Variants in LINGO2 observed in about 807,000 individuals in gnomAD.
LINGO2 encodes leucine rich repeat and Ig domain containing 2.
A neutral mutation model predicts 30.6 loss-of-function variants in LINGO2; 14 were observed. That is an observed-to-expected ratio of 0.46 (90% CI 0.30 to 0.72). The LOEUF is 0.72. Among genes scored for constraint, LINGO2 ranks in the 30% least tolerant of loss-of-function variants. The pLI, the probability that LINGO2 is intolerant of heterozygous loss-of-function variation, is 0.07. For synonymous variants in LINGO2, 317 were observed against 288.5 expected (o/e 1.10, Z -1.00); for missense variants, 729 against 751.7 (o/e 0.97, Z 0.35).
At chr9:28,169,478 T>C (rs1422970050) in intron 4 of LINGO2, among the ~76,000 whole-genome samples, 1 of 152,144 alleles carries the variant, frequency 6.6e-6, no homozygotes, top group Admixed American at 6.5e-5. Context: ...TAATAACCTA[T>C]CAATAAGGAT....
At chr9:28,045,316 T>TCCCTC (rs1824370620) in intron 4 of LINGO2, among the ~76,000 whole-genome samples, 1 of 151,338 alleles carries the variant, frequency 6.6e-6, no homozygotes, top group South Asian at 2.1e-4. Flanking sequence ...GAGTTAAACT[T>TCCCTC]TGAGTATTTT....
chr9:28,978,644 A>G, the LINGO2 span, among the ~76,000 whole-genome samples: 2 of 152,120 alleles, frequency 1.3e-5, no homozygotes, highest in Non-Finnish European at 2.9e-5. Flanking sequence ...ATGAAATAAT[A>G]TAGAGATGTT....
intron 4 of LINGO2, among the ~76,000 whole-genome samples, chr9:28,094,616 A>G (rs1232787276): frequency 6.6e-6 from 1 of 152,094 alleles, no homozygotes; most frequent in African/African-American, 2.4e-5. Context: ...TATTACAATG[A>G]TAGCATGCAT....
the LINGO2 span, among the ~76,000 whole-genome samples, chr9:28,732,259 C>T: frequency 1.3e-5 from 2 of 151,970 alleles, no homozygotes; most frequent in East Asian, 1.9e-4. Context: ...CTGGAATCTC[C>T]AAGCAAACCA....
intron 5 of LINGO2, among the ~76,000 whole-genome samples, chr9:27,978,688 G>A (rs989458772): frequency 2.6e-5 from 4 of 151,920 alleles, no homozygotes; most frequent in African/African-American, 9.7e-5. Flanking sequence ...TTCTGTCATA[G>A]CAACCTGAAC....
chr9:28,127,728 T>C (rs921931368), intron 4 of LINGO2, among the ~76,000 whole-genome samples: 1 of 152,212 alleles, frequency 6.6e-6, no homozygotes, highest in African/African-American at 2.4e-5. Context: ...TCTTCACATA[T>C]TCTTCACCGT....
At chr9:28,223,884 A>C (rs551530084) in intron 4 of LINGO2, among the ~76,000 whole-genome samples, 4 of 152,280 alleles carry the variant, frequency 2.6e-5, no homozygotes, top group Admixed American at 6.5e-5. Flanking sequence ...TAGCCCCCAA[A>C]ATAAGATAAT....
rs1472468144 is a variant in LINGO2, at chr9:28,329,809, G to T, written c.-245-34443C>A. Among the ~76,000 whole-genome samples the T allele has an allele frequency of 6.6e-6, 1 of 151,990 alleles. No homozygotes were observed. The highest frequency in any genetic ancestry group is 1.5e-5 in the Non-Finnish European group (1 of 67,996). On this transcript the variant is annotated intron_variant, in intron 3 of 5. Transcript: ENST00000379992. This position sits in a 1 kb window ranked among gnomAD's most constrained non-coding sequence, Gnocchi z 4.5. ...CCCTGAATTAGATAGCCATCCTCTG[G>T]GGTTTTATATCACCTTGTGCATATC...
chr9:28,643,062 T>A (rs1381664546), intron 1 of LINGO2, among the ~76,000 whole-genome samples: 1 of 152,100 alleles, frequency 6.6e-6, no homozygotes, highest in African/African-American at 2.4e-5. Context: ...TAGAAAGATA[T>A]TTCATGTTCA....
rs144774796 is a variant in LINGO2, at chr9:28,171,182, AAT to A, written c.-87+124024_-87+124025del. Among the ~76,000 whole-genome samples the A allele has an allele frequency of 9.8e-5, 15 of 152,328 alleles. No individual in the cohort carries two copies. In the East Asian group the frequency reaches 1.4e-3, roughly 14 times the overall value. On this transcript the variant is annotated intron_variant, in intron 4 of 5. Coordinates refer to ENST00000379992, the Ensembl canonical transcript of LINGO2. ...GCAGCATGACCATAATCTCTACCACAATAAATGAAAACCGACTGCAACATGAA... is the reference window on the plus strand; with the variant it reads ...GCAGCATGACCATAATCTCTACCACAAAATGAAAACCGACTGCAACATGAA...
At chr9:28,930,892 C>G in the LINGO2 span, among the ~76,000 whole-genome samples, 8 of 152,272 alleles carry the variant, frequency 5.3e-5, no homozygotes, top group East Asian at 1.5e-3. This position sits in a 1 kb window ranked among gnomAD's most constrained non-coding sequence, Gnocchi z 4.2. Flanking sequence ...GAAGGTATTT[C>G]TTGGCAATAT....
At chr9:28,101,070 G>T (rs971234872) in intron 4 of LINGO2, among the ~76,000 whole-genome samples, 1 of 151,834 alleles carries the variant, frequency 6.6e-6, no homozygotes, top group African/African-American at 2.4e-5. Context: ...AGGGGAATAT[G>T]ATGTTGAAAT....
At chr9:28,132,806 C>T (rs1827413957) in intron 4 of LINGO2, among the ~76,000 whole-genome samples, 1 of 152,222 alleles carries the variant, frequency 6.6e-6, no homozygotes, top group African/African-American at 2.4e-5. Context: ...AGATGCTACA[C>T]TTTCCAAGGG....
intron 3 of LINGO2, among the ~76,000 whole-genome samples, chr9:28,341,359 A>G (rs189709584): frequency 9.2e-5 from 14 of 152,252 alleles, no homozygotes; most frequent in Admixed American, 2.6e-4. Context: ...ATGTTATATT[A>G]TGTTTTACTA....
chr9:28,058,608 A>G (rs193081611), intron 4 of LINGO2, among the ~76,000 whole-genome samples: 45 of 152,312 alleles, frequency 3.0e-4, no homozygotes, highest in African/African-American at 9.1e-4. Context: ...TGTAAGTTAT[A>G]CAAACACCAA....
chr9:28,033,523 G>A (rs1168338413), intron 4 of LINGO2, among the ~76,000 whole-genome samples: 1 of 152,030 alleles, frequency 6.6e-6, no homozygotes, highest in Non-Finnish European at 1.5e-5. Context: ...AAACTGCCAC[G>A]GTATAGTTGT....
chr9:29,204,966 T>G, the LINGO2 span, among the ~76,000 whole-genome samples: 1 of 152,226 alleles, frequency 6.6e-6, no homozygotes, highest in Non-Finnish European at 1.5e-5. Flanking sequence ...GTTGAGGAAG[T>G]TGCCTTCTAT....
chr9:28,581,593 AAT>A (rs1261577143), intron 1 of LINGO2, among the ~76,000 whole-genome samples: 1 of 151,606 alleles, frequency 6.6e-6, no homozygotes, highest in Non-Finnish European at 1.5e-5. Flanking sequence ...TCAGTTTAAT[AAT>A]ATGTCAATTA....
the LINGO2 span, among the ~76,000 whole-genome samples, chr9:28,861,992 C>T: frequency 6.6e-6 from 1 of 152,076 alleles, no homozygotes; most frequent in Non-Finnish European, 1.5e-5. Flanking sequence ...TTGTGACTTC[C>T]TTCTAAATTC....
Sources: gnomAD v4.1 joint callset for allele counts (sites outside exome capture counted in the v4.1 genomes callset) on GRCh38, gnomAD v4.1.1 for gene constraint, Gnocchi (gnomAD v3.1) non-coding constraint, MANE v1.5 for transcripts, NCBI Gene and HGNC (gene_info 2026-07-23, HGNC 2026-07-21) for gene names.